MED27: variants seen among roughly 807,000 people sequenced by gnomAD.
The protein encoded by MED27 is mediator complex subunit 27.
MED27 carries 30 observed loss-of-function variants against 38.2 expected under a neutral mutation model. The ratio of observed to expected loss-of-function variants is 0.79; its 90% CI spans 0.59 to 1.07. MED27 has a LOEUF of 1.07. Ranked by LOEUF, MED27 falls within the 50% of genes least tolerant of loss-of-function variation. The pLI, the probability that MED27 is intolerant of heterozygous loss-of-function variation, is 0.00. For missense variants in MED27, 289 were observed against 397.5 expected, an observed-to-expected ratio of 0.73 and a Z score of 2.32; for synonymous variants, 122 against 153.5, an observed-to-expected ratio of 0.79 and a Z score of 1.52.
chr9:131,864,681 G>A lies in MED27; in HGVS notation c.724-1541C>T, dbSNP rs570657679. 2.7e-4 allele frequency among the ~76,000 whole-genome samples: 41 copies of A among 152,346 alleles called. No individual in the cohort carries two copies. The South Asian group carries it at 5.2e-3, about 19-fold the overall frequency. Reference sequence around the variant, plus strand: ...AGGTGGAGACCAGGGTCCGCGCCCCGCACGGTGATGTGTGTCCACACCTGC... The same window carrying A: ...AGGTGGAGACCAGGGTCCGCGCCCCACACGGTGATGTGTGTCCACACCTGC... On this transcript the variant is annotated intron_variant, in intron 6 of 7. Transcript: ENST00000292035.
intron 3 of MED27, among the ~76,000 whole-genome samples, chr9:131,971,957 G>C (rs1383352729): frequency 2.0e-5 from 3 of 152,146 alleles, no homozygotes; most frequent in Non-Finnish European, 4.4e-5. Flanking sequence ...ATATTACAGT[G>C]ATAAGCTTGC....
chr9:132,029,557 G>A (rs532091357), intron 2 of MED27, among the ~76,000 whole-genome samples: 17 of 152,230 alleles, frequency 1.1e-4, no homozygotes, highest in African/African-American at 3.9e-4. Context: ...AGGCTAAAAC[G>A]AAAGGGAGAA....
At chr9:132,031,565 G>A (rs1832960981) in intron 2 of MED27, among the ~76,000 whole-genome samples, 1 of 152,136 alleles carries the variant, frequency 6.6e-6, no homozygotes, top group Non-Finnish European at 1.5e-5. Context: ...CAGCTATTCA[G>A]AGAGGTTGAA....
rs73658164 is a variant in MED27, at chr9:131,980,624, A to C, written c.479+33713T>G. ...GTTATGCTTCCCAATTAGTTCCTAA[A>C]AATAAACGCACAATATTCCATCATT... On this transcript the variant is annotated intron_variant, in intron 3 of 7. Transcript: ENST00000292035. Among the ~76,000 whole-genome samples the C allele has an allele frequency of 8.4e-3, 1,274 of 152,300 alleles. 15 individuals are homozygous for C. The highest frequency in any genetic ancestry group is 0.029 in the African/African-American group (1,189 of 41,562).
At chr9:131,881,406 G>GA (rs1432698047) in intron 6 of MED27, among the ~76,000 whole-genome samples, 1 of 152,140 alleles carries the variant, frequency 6.6e-6, no homozygotes, top group East Asian at 1.9e-4. Context: ...CAGACCCAGG[G>GA]ACCAGGGAGG....
At chr9:131,926,556 G>C (rs1830488651) in intron 4 of MED27, among the ~76,000 whole-genome samples, 1 of 152,208 alleles carries the variant, frequency 6.6e-6, no homozygotes, top group African/African-American at 2.4e-5. Flanking sequence ...TTTCTGTACT[G>C]CCTGTCAAGA....
chr9:131,982,539 T>C lies in MED27; in HGVS notation c.479+31798A>G, dbSNP rs914876445. On this transcript the variant is annotated intron_variant, in intron 3 of 7. Transcript: ENST00000292035. This position sits in a 1 kb window ranked among gnomAD's most constrained non-coding sequence, Gnocchi z 4.3. ...GAGGCAGACGATAAATGATTCAACA[T>C]GTATGGCCTCATTTATTCTCATGAC... 6.6e-6 allele frequency among the ~76,000 whole-genome samples: 1 copy of C among 152,246 alleles called. No homozygotes were observed. Among genetic ancestry groups the C allele is most frequent in the Non-Finnish European group, 1.5e-5 (1 of 68,040 alleles).
At position 132,079,826 on chromosome 9, in the gene MED27, C is replaced by G. The variant is rs1458539208; in HGVS notation, c.19G>C (p.Val7Leu). 6.2e-7 allele frequency: 1 copy of G among 1,600,916 alleles called. No individual in the cohort carries two copies. Among genetic ancestry groups the G allele is most frequent in the African/African-American group, 1.3e-5 (1 of 74,708 alleles). Reference sequence around the variant, plus strand: ...GAAAAGGCCTCCAGGTTCACACTGACATTTATCACGTCCGCCATGTTGCCG... The same window carrying G: ...GAAAAGGCCTCCAGGTTCACACTGAGATTTATCACGTCCGCCATGTTGCCG... MADVIN[V>L]SVNLEAFSQA... The change falls in exon 1 of 8, where the codon GTC (valine) becomes CTC (leucine). Residue 7 changes from valine (V) to leucine (L), a missense_variant. Coordinates refer to ENST00000292035, the MANE Select transcript of MED27 (RefSeq NM_004269.4).
At chr9:131,901,702 T>C (rs759467352) in intron 4 of MED27, among the ~76,000 whole-genome samples, 1 of 152,186 alleles carries the variant, frequency 6.6e-6, no homozygotes, top group Non-Finnish European at 1.5e-5. Flanking sequence ...GAGGTGTTTT[T>C]AGATACGGTC....
rs370691216 is a variant in MED27 at position 131,935,753 on chromosome 9, C to T, written c.573+3628G>A. Among the ~76,000 whole-genome samples, 60 of 152,244 alleles carry T rather than the reference C, an allele frequency of 3.9e-4. 2 individuals are homozygous for T. The East Asian group carries it at 6.0e-3, about 15-fold the overall frequency. Reference sequence around the variant, plus strand: ...GAGCCATATTGTTTATATTCTATTTCTCAAATTGAGTGATGAGCTCATGGG... The same window carrying T: ...GAGCCATATTGTTTATATTCTATTTTTCAAATTGAGTGATGAGCTCATGGG... On this transcript the variant is annotated intron_variant, in intron 4 of 7. Transcript: ENST00000292035.
intron 2 of MED27, among the ~76,000 whole-genome samples, chr9:132,047,047 G>GT (rs1240941395): frequency 6.6e-6 from 1 of 152,136 alleles, no homozygotes; most frequent in Admixed American, 6.5e-5. Context: ...CTTAGAGAGC[G>GT]TATGTGGTGT....
At chr9:132,018,851 G>T (rs541370295) in intron 2 of MED27, among the ~76,000 whole-genome samples, 3 of 151,986 alleles carry the variant, frequency 2.0e-5, no homozygotes, top group Non-Finnish European at 4.4e-5. Flanking sequence ...TTCACCAAAG[G>T]CTTCTTTAAG....
At position 131,869,190 on chromosome 9, in the gene MED27, T is replaced by TTC. The variant is rs951596163; in HGVS notation, c.724-6052_724-6051dup. 6.1e-5 allele frequency: 60 copies of TTC among 985,456 alleles called. No homozygotes were observed. The African/African-American group carries it at 9.2e-4, about 15-fold the overall frequency. 61.0% of individuals were successfully genotyped at this position (985,456 alleles called of 1,614,324 possible). A position where few individuals can be genotyped will look rare whatever the true frequency, so the allele number is the denominator to read the frequency against. ...ACAGAGCTGATGAACTCGCCATGTT[T>TTC]TCCCTCCTGTCCTCCCCAAGTCCTC... On this transcript the variant is annotated intron_variant, in intron 6 of 7. Transcript: ENST00000292035.
Position 131,943,495 on chromosome 9 carries a change from G to A in MED27, c.480-4021C>T, listed in dbSNP as rs567960410. Among the ~76,000 whole-genome samples, 194 of 152,260 alleles carry A rather than the reference G, an allele frequency of 1.3e-3. 1 individual carries two copies. The highest frequency in any genetic ancestry group is 2.7e-3 in the Admixed American group (41 of 15,300). On this transcript the variant is annotated intron_variant, in intron 3 of 7. Transcript: ENST00000292035. Reference sequence around the variant, plus strand: ...TCTGCAGTGCGGCGCCCCACTTTGAGAGCAGGGCTAAGGACAGGTAGGAAC... The same window carrying A: ...TCTGCAGTGCGGCGCCCCACTTTGAAAGCAGGGCTAAGGACAGGTAGGAAC...
chr9:131,943,423 A>T (rs1209060721), intron 3 of MED27, among the ~76,000 whole-genome samples: 2 of 152,102 alleles, frequency 1.3e-5, no homozygotes, highest in African/African-American at 2.4e-5. Context: ...GTACTCTCTG[A>T]GTGCTGCCTC....
chr9:132,035,649 T>C (rs1416042733), intron 2 of MED27, among the ~76,000 whole-genome samples: 1 of 152,050 alleles, frequency 6.6e-6, no homozygotes, highest in East Asian at 1.9e-4. Flanking sequence ...AAAATGCAAA[T>C]GATCATCTCG....
rs184759644 is a variant in MED27 at position 131,889,624 on chromosome 9, G to A, written c.681+4261C>T. 9.2e-5 allele frequency among the ~76,000 whole-genome samples: 14 copies of A among 152,254 alleles called. No homozygotes were observed. The highest frequency in any genetic ancestry group is 2.9e-4 in the African/African-American group (12 of 41,524). On this transcript the variant is annotated intron_variant, in intron 5 of 7. Coordinates refer to ENST00000292035, the MANE Select transcript of MED27 (RefSeq NM_004269.4). The surrounding 1 kb of genome is among the most constrained non-coding windows in gnomAD (Gnocchi z 4.2). ...AGAGACAGGATGCTAGGGTCATGGCGGTGGTTGTTAGAGCAAAGTGCAAAG... is the reference window on the plus strand; with the variant it reads ...AGAGACAGGATGCTAGGGTCATGGCAGTGGTTGTTAGAGCAAAGTGCAAAG...
At chr9:131,912,442 T>A (rs1370695303) in intron 4 of MED27, among the ~76,000 whole-genome samples, 1 of 152,208 alleles carries the variant, frequency 6.6e-6, no homozygotes, top group African/African-American at 2.4e-5. Context: ...ACTGGTAGCC[T>A]GGATCCTGGT....
intron 3 of MED27, among the ~76,000 whole-genome samples, chr9:132,011,350 ATGTTTTTGTTACC>A (rs1461270954): frequency 6.6e-6 from 1 of 152,210 alleles, no homozygotes; most frequent in Non-Finnish European, 1.5e-5. Flanking sequence ...TTATTTTTTA[ATGTTTTTGTTACC>A]TTTTCAAAAT....
Sources: gnomAD v4.1 joint callset for allele counts (sites outside exome capture counted in the v4.1 genomes callset) on GRCh38, gnomAD v4.1.1 for gene constraint, Gnocchi (gnomAD v3.1) non-coding constraint, MANE v1.5 for transcripts, NCBI Gene and HGNC (gene_info 2026-07-23, HGNC 2026-07-21) for gene names.